DNAJC1: variants seen among roughly 807,000 people sequenced by gnomAD.
DNAJC1 encodes the protein dnaJ homolog subfamily C member 1.
DNAJC1 carries 58 observed loss-of-function variants against 76.6 expected under a neutral mutation model. The ratio of observed to expected loss-of-function variants is 0.76; its 90% CI spans 0.61 to 0.94. DNAJC1 has a LOEUF of 0.94. Ranked by LOEUF, DNAJC1 falls within the 40% of genes least tolerant of loss-of-function variation. The pLI, the probability that DNAJC1 is intolerant of heterozygous loss-of-function variation, is 0.00. For synonymous variants in DNAJC1, 258 were observed against 267.9 expected (o/e 0.96, Z 0.36); for missense variants, 689 against 677.3 (o/e 1.02, Z -0.19).
At chr10:21,957,438 T>C (rs776608535) in intron 1 of DNAJC1, among the ~76,000 whole-genome samples, 22 of 152,172 alleles carry the variant, frequency 1.4e-4, no homozygotes, top group Non-Finnish European at 2.1e-4. Context: ...TCAGTATATA[T>C]AAAAGTTTCC....
intron 10 of DNAJC1, among the ~76,000 whole-genome samples, chr10:21,760,856 T>C (rs1834232604): frequency 6.6e-6 from 1 of 152,184 alleles, no homozygotes; most frequent in Non-Finnish European, 1.5e-5. Flanking sequence ...TAATTACAGA[T>C]GTATATACAA....
At chr10:21,980,353 A>C (rs987836513) in intron 1 of DNAJC1, among the ~76,000 whole-genome samples, 1 of 152,146 alleles carries the variant, frequency 6.6e-6, no homozygotes, top group Admixed American at 6.5e-5. Context: ...AGATATATGG[A>C]TATCATGTGC....
chr10:21,968,227 A>G (rs1837921758), intron 1 of DNAJC1, among the ~76,000 whole-genome samples: 1 of 152,236 alleles, frequency 6.6e-6, no homozygotes, highest in East Asian at 1.9e-4. Context: ...TAAGGAGTTC[A>G]ACAATAAAAG....
intron 8 of DNAJC1, among the ~76,000 whole-genome samples, chr10:21,814,564 G>A (rs1197305908): frequency 2.6e-5 from 4 of 152,176 alleles, no homozygotes; most frequent in Admixed American, 6.5e-5. Context: ...GGGAAGAATG[G>A]GATCAGGTGG....
chr10:21,915,714 A>G lies in DNAJC1; in HGVS notation c.729+3065T>C, dbSNP rs144919487. On this transcript the variant is annotated intron_variant, in intron 6 of 11. Coordinates refer to ENST00000376980, the MANE Select transcript of DNAJC1 (RefSeq NM_022365.4). ...TACATGATTCAATTAATTACCATCT[A>G]AAAAAGGATGAGATATGAGTAAGAA... Among the ~76,000 whole-genome samples, 90 of 152,290 alleles carry G rather than the reference A, an allele frequency of 5.9e-4. 1 individual carries two copies. The East Asian group carries it at 0.01, about 17-fold the overall frequency.
chr10:21,851,279 A>G (rs1180850191), intron 8 of DNAJC1, among the ~76,000 whole-genome samples: 2 of 152,224 alleles, frequency 1.3e-5, no homozygotes, highest in South Asian at 2.1e-4. Flanking sequence ...ATTATAACAA[A>G]CTCAACAACA....
intron 8 of DNAJC1, among the ~76,000 whole-genome samples, chr10:21,849,697 T>G (rs533189448): frequency 1.3e-5 from 2 of 152,098 alleles, no homozygotes; most frequent in Non-Finnish European, 2.9e-5. Context: ...TTTATAGATA[T>G]TGATACAAAA....
At chr10:21,961,942 C>T (rs1432524110) in intron 1 of DNAJC1, among the ~76,000 whole-genome samples, 1 of 152,124 alleles carries the variant, frequency 6.6e-6, no homozygotes, top group Admixed American at 6.5e-5. Flanking sequence ...TCATCATGGC[C>T]TCTGCATTTG....
chr10:21,982,689 T>C (rs1253886420), intron 1 of DNAJC1, among the ~76,000 whole-genome samples: 1 of 150,058 alleles, frequency 6.7e-6, no homozygotes, highest in Non-Finnish European at 1.5e-5. Flanking sequence ...CAACAGTTAC[T>C]ACCTCTCACC....
chr10:21,778,587 T>C (rs886743883), intron 9 of DNAJC1, among the ~76,000 whole-genome samples: 1 of 152,194 alleles, frequency 6.6e-6, no homozygotes, highest in Admixed American at 6.5e-5. Flanking sequence ...TAATTAGAAC[T>C]GTACTTACAA....
intron 1 of DNAJC1, among the ~76,000 whole-genome samples, chr10:21,938,171 A>G (rs1837344376): frequency 6.6e-6 from 1 of 152,060 alleles, no homozygotes; most frequent in African/African-American, 2.4e-5. Flanking sequence ...TATTTTTTCT[A>G]ATTTAAAACA....
At chr10:21,991,919 A>G (rs1838331511) in intron 1 of DNAJC1, among the ~76,000 whole-genome samples, 1 of 152,238 alleles carries the variant, frequency 6.6e-6, no homozygotes, top group Admixed American at 6.5e-5. Context: ...TTTCAATCAA[A>G]ATTTGGCTTC....
intron 7 of DNAJC1, among the ~76,000 whole-genome samples, chr10:21,886,264 T>A (rs1719565780): frequency 6.6e-6 from 1 of 152,008 alleles, no homozygotes; most frequent in Non-Finnish European, 1.5e-5. Context: ...ACATACACCC[T>A]CCTAAGACTG....
intron 8 of DNAJC1, among the ~76,000 whole-genome samples, chr10:21,863,269 G>A (rs72806318): frequency 0.01 from 1,594 of 152,040 alleles, 12 homozygotes; most frequent in South Asian, 0.016. Flanking sequence ...CTCAAGAGAG[G>A]CTAAAACAGA....
At chr10:21,806,190 G>T in intron 8 of DNAJC1, 91 bp from the exon 9 acceptor site, 2 of 1,379,054 alleles carry the variant, frequency 1.5e-6, no homozygotes, top group Non-Finnish European at 2.0e-6. Context: ...AGAGATAATT[G>T]CTGTGAAGCA....
At chr10:21,872,246 T>C (rs559957136) in intron 8 of DNAJC1, among the ~76,000 whole-genome samples, 16 of 151,052 alleles carry the variant, frequency 1.1e-4, no homozygotes, top group Non-Finnish European at 2.2e-4. Flanking sequence ...GCTAATTTTG[T>C]GTGTTTTTAG....
In DNAJC1 at chr10:21,886,288, T is replaced by C. The variant is rs191178115; in HGVS notation, c.821-3849A>G. The stretch of plus-strand genomic sequence containing the variant: ...CTCCTAAGACTGAACCAGAAAGAAA[T>C]TGATTCCTTGAATAGACCAATAATG... On this transcript the variant is annotated intron_variant, in intron 7 of 11. Coordinates refer to ENST00000376980, the MANE Select transcript of DNAJC1 (RefSeq NM_022365.4). Among the ~76,000 whole-genome samples, 11 of 152,180 alleles carry C rather than the reference T, an allele frequency of 7.2e-5. 1 individual carries two copies. The highest frequency in any genetic ancestry group is 2.1e-4 in the South Asian group (1 of 4,830).
At chr10:21,999,260 G>A (rs1838474202) in intron 1 of DNAJC1, among the ~76,000 whole-genome samples, 1 of 152,088 alleles carries the variant, frequency 6.6e-6, no homozygotes, top group Non-Finnish European at 1.5e-5. Context: ...ACCGCCATAC[G>A]GTTAATTCCA....
intron 7 of DNAJC1, among the ~76,000 whole-genome samples, chr10:21,894,976 C>T (rs919414490): frequency 1.3e-5 from 2 of 152,200 alleles, no homozygotes; most frequent in African/African-American, 4.8e-5. Flanking sequence ...ACTTCTCAGA[C>T]TCCACAAGTG....
Sources: allele counts gnomAD v4.1 joint callset (sites outside exome capture counted in the v4.1 genomes callset), GRCh38; gene constraint gnomAD v4.1.1; transcripts MANE v1.5; gene names NCBI Gene and HGNC (gene_info 2026-07-23, HGNC 2026-07-21).